CSMD1: variants seen among roughly 807,000 people sequenced by gnomAD.
CSMD1 encodes the protein CUB and sushi domain-containing protein 1.
In CSMD1, 213 loss-of-function variants were observed where a neutral mutation model predicts 417.5. The ratio of observed to expected loss-of-function variants is 0.51; its 90% CI spans 0.46 to 0.57. The LOEUF is 0.57. Among genes scored for constraint, CSMD1 ranks in the 20% least tolerant of loss-of-function variants. CSMD1 has a pLI of 0.00. For missense variants in CSMD1, 6,923 were observed against 4,529.7 expected (o/e 1.53, Z -15.17); for synonymous variants, 2,862 against 1,736.8 (o/e 1.65, Z -16.11).
At chr8:4,113,787 A>G (rs1304792306) in intron 3 of CSMD1, among the ~76,000 whole-genome samples, 3 of 152,214 alleles carry the variant, frequency 2.0e-5, no homozygotes, top group Non-Finnish European at 2.9e-5. Context: ...AGTTATCTGC[A>G]TAAAACACCA....
chr8:3,120,495 T>C (rs550168260), intron 41 of CSMD1, among the ~76,000 whole-genome samples: 43 of 152,300 alleles, frequency 2.8e-4, no homozygotes, highest in African/African-American at 7.7e-4. Context: ...GGTTTCGTTA[T>C]TATCCATAGC....
intron 10 of CSMD1, among the ~76,000 whole-genome samples, chr8:3,557,020 T>C (rs953062706): frequency 4.6e-5 from 7 of 152,176 alleles, no homozygotes; most frequent in South Asian, 2.1e-4. Context: ...AATCTGCACT[T>C]TGGTGGAAAC....
chr8:4,807,325 G>C (rs916781017), intron 1 of CSMD1, among the ~76,000 whole-genome samples: 4 of 152,196 alleles, frequency 2.6e-5, no homozygotes, highest in African/African-American at 9.7e-5. Flanking sequence ...TCCAAGGGTA[G>C]GGTGACAGCA....
chr8:3,787,133 C>G lies in CSMD1; in HGVS notation c.819-33091G>C, dbSNP rs78266685. Among the ~76,000 whole-genome samples, 687 of 152,126 alleles carry G rather than the reference C, an allele frequency of 4.5e-3. 2 individuals carry two copies. The highest frequency in any genetic ancestry group is 7.8e-3 in the Non-Finnish European group (530 of 68,004). On this transcript the variant is annotated intron_variant, in intron 5 of 69. Transcript: ENST00000635120. ...AACATAACTCAAGAGGAAGGGTAGT[C>G]AAAACATATTCTGAACATGTAATCA...
chr8:3,259,948 C>A (rs1034577739), intron 26 of CSMD1, among the ~76,000 whole-genome samples: 6 of 152,300 alleles, frequency 3.9e-5, no homozygotes, highest in African/African-American at 1.4e-4. Context: ...CTTTGGGCTA[C>A]ACAGCCACAG....
intron 3 of CSMD1, among the ~76,000 whole-genome samples, chr8:4,114,885 G>A (rs887850309): frequency 2.0e-5 from 3 of 152,114 alleles, no homozygotes; most frequent in Non-Finnish European, 4.4e-5. Flanking sequence ...AACAGATGAG[G>A]AATTGCTTCT....
intron 1 of CSMD1, among the ~76,000 whole-genome samples, chr8:4,654,180 C>G (rs1347696894): frequency 1.3e-5 from 2 of 152,040 alleles, no homozygotes; most frequent in Non-Finnish European, 2.9e-5. Context: ...TCATCTTTGA[C>G]CTACTCTTCT....
chr8:3,550,957 C>A (rs551866079), intron 10 of CSMD1, among the ~76,000 whole-genome samples: 11 of 152,072 alleles, frequency 7.2e-5, no homozygotes, highest in African/African-American at 2.4e-4. Flanking sequence ...GATGACAAAC[C>A]ACTACTCAAC....
chr8:4,898,704 A>G (rs1317177863), intron 1 of CSMD1, among the ~76,000 whole-genome samples: 1 of 152,184 alleles, frequency 6.6e-6, no homozygotes, highest in Non-Finnish European at 1.5e-5. Flanking sequence ...AATGGAATAG[A>G]TTTTATTATA....
At chr8:3,483,299 G>A (rs1301258748) in intron 11 of CSMD1, among the ~76,000 whole-genome samples, 1 of 151,828 alleles carries the variant, frequency 6.6e-6, no homozygotes, top group East Asian at 1.9e-4. Flanking sequence ...TAAAATAGAG[G>A]CTATTACTAC....
intron 23 of CSMD1, among the ~76,000 whole-genome samples, chr8:3,316,896 G>A (rs1270342598): frequency 6.6e-6 from 1 of 152,144 alleles, no homozygotes. Flanking sequence ...ACATGGGTGA[G>A]AAGAAAGAAA....
intron 38 of CSMD1, among the ~76,000 whole-genome samples, chr8:3,159,170 T>A (rs573350844): frequency 6.6e-6 from 1 of 152,056 alleles, no homozygotes; most frequent in Non-Finnish European, 1.5e-5. Context: ...AAACATAGAG[T>A]TCAAAAGTCT....
intron 5 of CSMD1, among the ~76,000 whole-genome samples, chr8:3,926,092 C>CCCACACACACACACCAT (rs1809673540): frequency 2.0e-5 from 1 of 49,508 alleles, no homozygotes; most frequent in Admixed American, 2.3e-4. Context: ...TACACACACA[C>CCCACACACACACACCAT]ACACACACAC....
intron 12 of CSMD1, among the ~76,000 whole-genome samples, chr8:3,418,272 A>C (rs374149089): frequency 6.6e-6 from 1 of 152,150 alleles, no homozygotes; most frequent in Non-Finnish European, 1.5e-5. Flanking sequence ...AAGTAACCAC[A>C]GAAATGAACT....
rs139220398 is a variant in CSMD1 at position 4,460,478 on chromosome 8, A to C, written c.303-40413T>G. 5.9e-5 allele frequency among the ~76,000 whole-genome samples: 9 copies of C among 152,284 alleles called. No homozygotes were observed. In the East Asian group the frequency reaches 1.5e-3, roughly 26 times the overall value. On this transcript the variant is annotated intron_variant, in intron 2 of 69. Transcript: ENST00000635120. ...AAGCAGAATAACAAATATTCTAGTG[A>C]GAATAATCAAGTATACAATAGAAAA...
chr8:4,269,373 C>T (rs1047788140), intron 3 of CSMD1, among the ~76,000 whole-genome samples: 2 of 152,116 alleles, frequency 1.3e-5, no homozygotes, highest in African/African-American at 4.8e-5. Flanking sequence ...GCTCCATTTT[C>T]ATCTTCATTG....
chr8:3,877,490 G>T (rs541818177), intron 5 of CSMD1, among the ~76,000 whole-genome samples: 4 of 152,082 alleles, frequency 2.6e-5, no homozygotes, highest in African/African-American at 9.7e-5. Context: ...CTTCTAAGAC[G>T]AGGGAGGAAA....
At chr8:3,673,751 T>C (rs1008337086) in intron 7 of CSMD1, among the ~76,000 whole-genome samples, 3 of 152,190 alleles carry the variant, frequency 2.0e-5, no homozygotes, top group African/African-American at 7.2e-5. Context: ...ATTGGAGCTA[T>C]TCCCTCAAGC....
chr8:4,449,359 T>A (rs1460968251), intron 2 of CSMD1, among the ~76,000 whole-genome samples: 3 of 152,202 alleles, frequency 2.0e-5, no homozygotes, highest in Non-Finnish European at 4.4e-5. Context: ...CCTCTCTTTT[T>A]TTCCAGAATG....
Sources: gnomAD v4.1 joint callset for allele counts (sites outside exome capture counted in the v4.1 genomes callset) on GRCh38, gnomAD v4.1.1 for gene constraint, MANE v1.5 for transcripts, NCBI Gene and HGNC (gene_info 2026-07-23, HGNC 2026-07-21) for gene names.